The following NEURL1 variants were observed in gnomAD, a reference collection of about 807,000 sequenced individuals.
The protein encoded by NEURL1 is neuralized E3 ubiquitin protein ligase 1.
A neutral mutation model predicts 41.2 loss-of-function variants in NEURL1; 26 were observed. The observed-to-expected ratio is 0.63, with a 90% CI of 0.46 to 0.87. NEURL1 has a LOEUF of 0.87. Among genes scored for constraint, NEURL1 ranks in the 40% least tolerant of loss-of-function variants. The pLI, the probability that NEURL1 is intolerant of heterozygous loss-of-function variation, is 0.00. For synonymous variants in NEURL1, 400 were observed against 402.3 expected (o/e 0.99, Z 0.07); for missense variants, 761 against 871.1 (o/e 0.87, Z 1.59).
At chr10:103,562,305 C>T (rs973877399) in intron 1 of NEURL1, among the ~76,000 whole-genome samples, 1 of 152,188 alleles carries the variant, frequency 6.6e-6, no homozygotes, top group Non-Finnish European at 1.5e-5. Flanking sequence ...ATCACTTGAA[C>T]CTGGGAGGCG....
At chr10:103,495,407 G>A (rs2033659033) in intron 1 of NEURL1, among the ~76,000 whole-genome samples, 1 of 152,178 alleles carries the variant, frequency 6.6e-6, no homozygotes, top group Admixed American at 6.5e-5. Context: ...GTTATGAGAA[G>A]GATAACAATA....
chr10:103,549,402 C>G (rs1368846928), intron 1 of NEURL1, among the ~76,000 whole-genome samples: 1 of 152,242 alleles, frequency 6.6e-6, no homozygotes, highest in Non-Finnish European at 1.5e-5. Context: ...GGCTTGCACT[C>G]TCCATCTCTG....
intron 3 of NEURL1, among the ~76,000 whole-genome samples, chr10:103,576,737 C>T (rs1404503514): frequency 6.6e-6 from 1 of 152,064 alleles, no homozygotes; most frequent in Non-Finnish European, 1.5e-5. Flanking sequence ...TGGGGGCTCC[C>T]GAGGGCTTAT....
At chr10:103,524,635 A>G (rs773180696) in intron 1 of NEURL1, among the ~76,000 whole-genome samples, 3 of 152,210 alleles carry the variant, frequency 2.0e-5, no homozygotes, top group Non-Finnish European at 4.4e-5. Context: ...GGTGAGAGAT[A>G]CGGCTCTAGT....
Position 103,589,495 on chromosome 10 carries a change from C to T in NEURL1, c.1340-19C>T. 7 of 1,575,552 alleles carry T rather than the reference C, an allele frequency of 4.4e-6. No homozygotes were observed. The highest frequency in any genetic ancestry group is 1.8e-5 in the Admixed American group (1 of 56,790). ...TGGGCAGGCAGCTAGTGTGTCCTTC[C>T]CTCCCTCCCCTTTCACAGGCTCCAC... On this transcript the variant is annotated intron_variant, in intron 4 of 5. Transcript: ENST00000369780.
rs539513113 is a variant in NEURL1, at chr10:103,545,099, G to A, written c.86-25773G>A. ...TGGAAAGGGAAGAAAGGAAGGCGGC[G>A]GCAATGAGCCACGGATGAATGTGCA... is the stretch of plus-strand genomic sequence containing the variant. On this transcript the variant is annotated intron_variant, in intron 1 of 5. Transcript: ENST00000369780. The surrounding 1 kb of genome is among the most constrained non-coding windows in gnomAD (Gnocchi z 4.5). Among the ~76,000 whole-genome samples, 36 of 152,356 alleles carry A rather than the reference G, an allele frequency of 2.4e-4. No individual in the cohort carries two copies. Among genetic ancestry groups the A allele is most frequent in the African/African-American group, 7.2e-4 (30 of 41,582 alleles).
At chr10:103,544,127 A>G (rs1456857491) in intron 1 of NEURL1, among the ~76,000 whole-genome samples, 1 of 152,156 alleles carries the variant, frequency 6.6e-6, no homozygotes, top group Non-Finnish European at 1.5e-5. Flanking sequence ...GAGCAGGATG[A>G]TGCTGGGGGC....
chr10:103,579,060 GC>G (rs1289480138), intron 3 of NEURL1, among the ~76,000 whole-genome samples: 1 of 152,204 alleles, frequency 6.6e-6, no homozygotes. Context: ...CTCAAAGGAG[GC>G]CCCGGCCTGC....
At chr10:103,527,737 T>A (rs2034490235) in intron 1 of NEURL1, among the ~76,000 whole-genome samples, 1 of 152,226 alleles carries the variant, frequency 6.6e-6, no homozygotes, top group Non-Finnish European at 1.5e-5. Context: ...CTGTTGAAGA[T>A]GGAGTGGCTC....
chr10:103,584,719 T>C lies in NEURL1; in HGVS notation c.833T>C (p.Leu278Pro). 1.4e-6 allele frequency: 2 copies of C among 1,461,442 alleles called. No individual in the cohort carries two copies. The highest frequency in any genetic ancestry group is 1.8e-6 in the Non-Finnish European group (2 of 1,112,186). The allele number at this position is 1,461,442 out of a possible 1,614,324, so 90.5% of individuals were successfully genotyped here. The change falls in exon 4 of 6, where the codon CTC becomes CCC. Residue 278 changes from leucine to proline, a missense_variant. Coordinates refer to ENST00000369780, the MANE Select transcript of NEURL1 (RefSeq NM_004210.5). ...AAGCPIPQNS[L>P]NSQHSRALPA... ...GGCTGCCCCATCCCGCAGAACTCAC[T>C]CAACTCGCAGCACAGCCGCGCGCTG...
At chr10:103,553,505 C>T (rs2035079207) in intron 1 of NEURL1, among the ~76,000 whole-genome samples, 1 of 152,136 alleles carries the variant, frequency 6.6e-6, no homozygotes, top group Non-Finnish European at 1.5e-5. Flanking sequence ...TCCCGGAAGT[C>T]GTGGGCATGC....
At chr10:103,501,647 T>TATTATTATTA (rs1564802288) in intron 1 of NEURL1, among the ~76,000 whole-genome samples, 6 of 150,160 alleles carry the variant, frequency 4.0e-5, no homozygotes, top group Admixed American at 6.7e-5. Flanking sequence ...TTATTATTAT[T>TATTATTATTA]TTGAGACGGA....
At chr10:103,515,542 T>C (rs542130906) in intron 1 of NEURL1, 1 of 152,360 alleles carries the variant, frequency 6.6e-6, no homozygotes, top group South Asian at 2.1e-4. Context: ...TTAGCAGTCA[T>C]GCTAGTACAT....
At chr10:103,581,509 T>A (rs970844523) in intron 3 of NEURL1, among the ~76,000 whole-genome samples, 2 of 152,202 alleles carry the variant, frequency 1.3e-5, no homozygotes, top group African/African-American at 4.8e-5. Context: ...GTTCAGCTAT[T>A]TGTCCAGTCA....
chr10:103,525,608 C>G (rs1332132182), intron 1 of NEURL1, among the ~76,000 whole-genome samples: 2 of 152,166 alleles, frequency 1.3e-5, no homozygotes, highest in African/African-American at 2.4e-5. Flanking sequence ...CCAGCCTCCT[C>G]CTCCCAAAGT....
chr10:103,524,013 T>C (rs1044513796), intron 1 of NEURL1, among the ~76,000 whole-genome samples: 2 of 152,190 alleles, frequency 1.3e-5, no homozygotes, highest in African/African-American at 4.8e-5. Context: ...CTGAGGAACC[T>C]TGATACTGTT....
chr10:103,561,527 G>A (rs1044737682), intron 1 of NEURL1, among the ~76,000 whole-genome samples: 1 of 152,124 alleles, frequency 6.6e-6, no homozygotes, highest in Non-Finnish European at 1.5e-5. Flanking sequence ...GCCTCCCAAA[G>A]TGCTGGGATT....
At chr10:103,506,652 CG>C (rs2033953350) in intron 1 of NEURL1, among the ~76,000 whole-genome samples, 1 of 151,638 alleles carries the variant, frequency 6.6e-6, no homozygotes, top group Non-Finnish European at 1.5e-5. Flanking sequence ...CTCCACCTCC[CG>C]GGTTCAAGCG....
chr10:103,509,116 C>T (rs1471124950), intron 1 of NEURL1, among the ~76,000 whole-genome samples: 1 of 151,974 alleles, frequency 6.6e-6, no homozygotes. Context: ...CTGTTAGTCC[C>T]AGCTACTCAG....
Sources: allele counts gnomAD v4.1 joint callset (sites outside exome capture counted in the v4.1 genomes callset), GRCh38; gene constraint gnomAD v4.1.1; non-coding constraint Gnocchi (gnomAD v3.1); transcripts MANE v1.5; gene names NCBI Gene and HGNC (gene_info 2026-07-23, HGNC 2026-07-21).